PREP: variants seen among roughly 807,000 people sequenced by gnomAD.
The protein encoded by PREP is prolyl endopeptidase.
In PREP, 29 loss-of-function variants were observed where a neutral mutation model predicts 87.6. The ratio of observed to expected loss-of-function variants is 0.33; its 90% confidence interval spans 0.25 to 0.45. PREP has a LOEUF of 0.45. Among genes scored for constraint, PREP ranks in the 20% least tolerant of loss-of-function variants. The pLI is 1.00. For missense variants in PREP, 695 were observed against 886.5 expected, an observed-to-expected ratio of 0.78 and a Z score of 2.74; for synonymous variants, 337 against 328.6, an observed-to-expected ratio of 1.03 and a Z score of -0.28.
chr6:105,338,562 T>C (rs1465044405), intron 7 of PREP, among the ~76,000 whole-genome samples: 3 of 152,142 alleles, frequency 2.0e-5, no homozygotes, highest in Non-Finnish European at 4.4e-5. Flanking sequence ...GTGCAGCCCA[T>C]TGAGCATGAG....
intron 14 of PREP, chr6:105,281,403 T>G (rs2114610352): frequency 5.7e-6 from 1 of 175,582 alleles, no homozygotes; most frequent in Admixed American, 5.7e-5. Context: ...TTTAAGGGTT[T>G]ATGTGATTTG....
At chr6:105,398,235 G>A (rs2114738617) in intron 1 of PREP, among the ~76,000 whole-genome samples, 1 of 152,318 alleles carries the variant, frequency 6.6e-6, no homozygotes, top group South Asian at 2.1e-4. Flanking sequence ...TTGAAAACGT[G>A]CTGTCAGCAG....
intron 2 of PREP, among the ~76,000 whole-genome samples, chr6:105,392,742 A>T (rs1329755985): frequency 6.6e-6 from 1 of 152,066 alleles, no homozygotes; most frequent in Non-Finnish European, 1.5e-5. Flanking sequence ...ATGCACGGCT[A>T]ATTTTTGTAT....
intron 14 of PREP, among the ~76,000 whole-genome samples, chr6:105,280,132 G>A (rs7760812): frequency 0.3 from 45,572 of 152,038 alleles, 10,882 homozygotes; most frequent in African/African-American, 0.67. Flanking sequence ...AAATGAAAGA[G>A]CAAACTTTAG....
chr6:105,369,448 T>C (rs973621705), intron 5 of PREP, among the ~76,000 whole-genome samples: 19 of 152,338 alleles, frequency 1.2e-4, no homozygotes, highest in Middle Eastern at 3.4e-3. Flanking sequence ...ATTTTGTGGA[T>C]TGACAAACTG....
At chr6:105,381,724 T>A (rs1483214778) in intron 2 of PREP, among the ~76,000 whole-genome samples, 2 of 152,230 alleles carry the variant, frequency 1.3e-5, no homozygotes. Flanking sequence ...TTATATCTCA[T>A]GTGCCTTGAC....
intron 4 of PREP, among the ~76,000 whole-genome samples, chr6:105,375,192 G>C (rs745670485): frequency 3.9e-5 from 6 of 152,108 alleles, no homozygotes; most frequent in Non-Finnish European, 8.8e-5. Flanking sequence ...ACTGGATCAT[G>C]GTTAGAAGTG....
At chr6:105,292,086 G>A (rs1030490515) in intron 10 of PREP, among the ~76,000 whole-genome samples, 2 of 152,022 alleles carry the variant, frequency 1.3e-5, no homozygotes, top group African/African-American at 4.8e-5. Context: ...GAACCCTTCA[G>A]AATCATCCAT....
chr6:105,306,260 C>T (rs568573701), intron 10 of PREP, among the ~76,000 whole-genome samples: 67 of 152,282 alleles, frequency 4.4e-4, no homozygotes, highest in Admixed American at 8.5e-4. Flanking sequence ...TGATGATAGA[C>T]GGCATTCAGG....
intron 2 of PREP, among the ~76,000 whole-genome samples, chr6:105,390,113 A>G (rs1316870661): frequency 3.3e-5 from 5 of 152,178 alleles, no homozygotes; most frequent in Non-Finnish European, 7.3e-5. Flanking sequence ...GTACTGAGAC[A>G]GGCGGAGAAG....
At chr6:105,353,212 G>T in intron 6 of PREP, 135 bp from the exon 7 acceptor site, 3 of 578,382 alleles carry the variant, frequency 5.2e-6, no homozygotes, top group Non-Finnish European at 5.9e-6. Flanking sequence ...GATCTGATAA[G>T]AAAGTTATCT....
chr6:105,314,718 G>A (rs1409837859), intron 10 of PREP, among the ~76,000 whole-genome samples: 1 of 152,150 alleles, frequency 6.6e-6, no homozygotes, highest in Non-Finnish European at 1.5e-5. Context: ...TTCCTGAAGG[G>A]TGGAATCAAC....
In PREP at chr6:105,339,271, AG is replaced by A. The variant is rs201450830; in HGVS notation, c.824-5767del. On this transcript the variant is annotated intron_variant, in intron 7 of 14. Coordinates refer to ENST00000652536, the MANE Select transcript of PREP (RefSeq NM_002726.5). ...CTCTACTGGTAATACCCAGGCAAAC[AG>A]CATCTGGAGTGGACCTCCAGCAAAC... is the stretch of plus-strand genomic sequence containing the variant. Among the ~76,000 whole-genome samples, 1,198 of 152,332 alleles carry A rather than the reference AG, an allele frequency of 7.9e-3. 14 individuals carry two copies. The highest frequency in any genetic ancestry group is 0.024 in the African/African-American group (1,001 of 41,570).
Position 105,288,948 on chromosome 6 carries a change from G to A in PREP, c.1318-54C>T, listed in dbSNP as rs549084897. On this transcript the variant is annotated intron_variant, in intron 10 of 14. Transcript: ENST00000652536. ...TTTAGCATTACTTAGTAGATACTGC[G>A]TGCTTTTAAATGGGAAAAATAGTAA... 235 of 1,543,796 alleles carry A rather than the reference G, an allele frequency of 1.5e-4. 1 individual carries two copies. In the Middle Eastern group the frequency reaches 2.9e-3, roughly 19 times the overall value.
At chr6:105,282,961 G>GTGTT (rs1033657856) in intron 12 of PREP, among the ~76,000 whole-genome samples, 42 of 152,348 alleles carry the variant, frequency 2.8e-4, no homozygotes, top group African/African-American at 9.6e-4. Flanking sequence ...ACCTGCAGCA[G>GTGTT]TGTTTAGTCC....
At chr6:105,306,343 T>C (rs956723760) in intron 10 of PREP, among the ~76,000 whole-genome samples, 4 of 152,100 alleles carry the variant, frequency 2.6e-5, no homozygotes, top group African/African-American at 4.8e-5. Flanking sequence ...AAAGTCTGTA[T>C]GTGGAGTGCA....
chr6:105,299,183 T>C (rs1272264200), intron 10 of PREP, among the ~76,000 whole-genome samples: 5 of 152,196 alleles, frequency 3.3e-5, no homozygotes, highest in South Asian at 2.1e-4. Context: ...AAGATAATAA[T>C]AGTAAATTCT....
At position 105,273,246 on chromosome 6, in the gene PREP, C is replaced by A. The variant is rs1769863369; in HGVS notation, c.*4898G>T. 6.6e-6 allele frequency: 1 copy of A among 152,134 alleles called. No homozygotes were observed. Among genetic ancestry groups the A allele is most frequent in the African/African-American group, 2.4e-5 (1 of 41,418 alleles). 9.4% of individuals were successfully genotyped at this position (152,134 alleles called of 1,614,324 possible). A position where few individuals can be genotyped will look rare whatever the true frequency, so the allele number is the denominator to read the frequency against. ...CTCTTTTTTCTCTTTATTTCACTAC[C>A]AGAGATTATTTCGATAACATTATGA... On this transcript the variant is annotated 3_prime_UTR_variant, in exon 15 of 15. Coordinates refer to ENST00000652536, the MANE Select transcript of PREP (RefSeq NM_002726.5).
intron 10 of PREP, among the ~76,000 whole-genome samples, chr6:105,317,606 G>A (rs1285096403): frequency 1.3e-5 from 2 of 152,142 alleles, no homozygotes; most frequent in South Asian, 2.1e-4. Flanking sequence ...TCTGTAGGTG[G>A]GTTCGTGCCA....
Sources: gnomAD v4.1 joint callset for allele counts (sites outside exome capture counted in the v4.1 genomes callset) on GRCh38, gnomAD v4.1.1 for gene constraint, MANE v1.5 for transcripts, NCBI Gene and HGNC (gene_info 2026-07-23, HGNC 2026-07-21) for gene names.